Variants in JAK1 observed in about 807,000 individuals in gnomAD.
The protein encoded by JAK1 is Janus kinase 1.
In JAK1, 16 loss-of-function variants were observed where a neutral mutation model predicts 136.6. The observed-to-expected ratio is 0.12, with a 90% CI of 0.08 to 0.18. JAK1 has a LOEUF of 0.18. Ranked by LOEUF, JAK1 falls within the 10% of genes least tolerant of loss-of-function variation. JAK1 has a pLI of 1.00. For missense variants in JAK1, 859 were observed against 1,450.1 expected, an observed-to-expected ratio of 0.59 and a Z score of 6.62; for synonymous variants, 492 against 519.5, an observed-to-expected ratio of 0.95 and a Z score of 0.72.
rs1570596935 is a variant in JAK1 at position 64,834,504 on chromosome 1, C to T, written c.*58G>A. 4 of 1,152,060 alleles carry T rather than the reference C, an allele frequency of 3.5e-6. No homozygotes were observed. The highest frequency in any genetic ancestry group is 5.2e-6 in the Non-Finnish European group (4 of 774,542). 71.4% of individuals were successfully genotyped at this position (1,152,060 alleles called of 1,614,324 possible). ...AGAAATTTTTAAAAAATGACTTGGG[C>T]ATTTGTTGCAGGAGAAGGACTTGAT... On this transcript the variant is annotated 3_prime_UTR_variant, in exon 25 of 25. Transcript: ENST00000342505.
intron 1 of JAK1, among the ~76,000 whole-genome samples, chr1:64,914,606 C>G (rs1645360006): frequency 1.3e-5 from 2 of 152,208 alleles, no homozygotes; most frequent in Admixed American, 1.3e-4. Flanking sequence ...ATCTGTCACC[C>G]AGGCTGGAGC....
chr1:64,918,674 C>A, intron 1 of JAK1: 2 of 186,760 alleles, frequency 1.1e-5, no homozygotes, highest in South Asian at 2.1e-4. Flanking sequence ...GAAAGATGGT[C>A]CAGATTTCTA....
intron 2 of JAK1, chr1:64,987,796 A>G (rs767873972): frequency 2.0e-5 from 3 of 152,230 alleles, no homozygotes; most frequent in Non-Finnish European, 4.4e-5. Flanking sequence ...ATGATGCAAG[A>G]CCTAAAGATA....
At chr1:64,968,329 T>C (rs1220380365), upstream of JAK1, among the ~76,000 whole-genome samples, 1 of 152,008 alleles carries the variant, frequency 6.6e-6, no homozygotes, top group Non-Finnish European at 1.5e-5. Context: ...GACCTCTGAA[T>C]GCTCAATGCA....
At chr1:64,994,167 T>C (rs993588504) in intron 2 of JAK1, among the ~76,000 whole-genome samples, 2 of 152,130 alleles carry the variant, frequency 1.3e-5, no homozygotes, top group African/African-American at 4.8e-5. Flanking sequence ...TCTCAAACTC[T>C]TGGGCTCAAG....
At chr1:64,999,472 T>C (rs540718865) in intron 2 of JAK1, among the ~76,000 whole-genome samples, 1 of 152,302 alleles carries the variant, frequency 6.6e-6, no homozygotes, top group South Asian at 2.1e-4. Flanking sequence ...GTGCAAAGGC[T>C]CATGGCTGTA....
intron 1 of JAK1, among the ~76,000 whole-genome samples, chr1:65,049,731 CATG>C (rs1391122715): frequency 2.0e-5 from 3 of 152,146 alleles, no homozygotes; most frequent in East Asian, 3.9e-4. Flanking sequence ...CACTGGAGGC[CATG>C]ATGTCCAAGG....
intron 17 of JAK1, among the ~76,000 whole-genome samples, 166 bp downstream of exon 17, chr1:64,843,898 C>T (rs1013586581): frequency 2.6e-5 from 4 of 152,136 alleles, no homozygotes; most frequent in African/African-American, 7.2e-5. Flanking sequence ...CTGAGGCTCA[C>T]GGAAGTTCAG....
chr1:65,030,258 C>T (rs1221966429), intron 2 of JAK1, among the ~76,000 whole-genome samples: 1 of 152,148 alleles, frequency 6.6e-6, no homozygotes, highest in African/African-American at 2.4e-5. Context: ...ATTTCCCAGC[C>T]TCCAGAACTG....
intron 2 of JAK1, among the ~76,000 whole-genome samples, chr1:65,011,167 A>G (rs1371997251): frequency 1.3e-5 from 2 of 152,142 alleles, no homozygotes; most frequent in East Asian, 3.9e-4. Flanking sequence ...CAAAAATTTT[A>G]AAAGGAAGAG....
chr1:64,872,922 T>C (rs1334002250), intron 5 of JAK1, among the ~76,000 whole-genome samples: 7 of 152,164 alleles, frequency 4.6e-5, no homozygotes, highest in Admixed American at 1.3e-4. Flanking sequence ...TCTCTTTTGT[T>C]TTTTTTCTAG....
intron 2 of JAK1, among the ~76,000 whole-genome samples, chr1:65,040,852 CAG>C (rs1424795038): frequency 1.3e-5 from 2 of 152,088 alleles, no homozygotes; most frequent in African/African-American, 4.8e-5. Context: ...GAGGAGCTGA[CAG>C]AAAAATCATG....
At chr1:65,053,973 T>C (rs191315920) in intron 1 of JAK1, among the ~76,000 whole-genome samples, 1 of 152,318 alleles carries the variant, frequency 6.6e-6, no homozygotes, top group African/African-American at 2.4e-5. Context: ...CAACTCTGTG[T>C]AGTATGATCA....
chr1:65,040,455 C>T (rs1193768290), intron 2 of JAK1, among the ~76,000 whole-genome samples: 2 of 152,142 alleles, frequency 1.3e-5, no homozygotes, highest in East Asian at 3.9e-4. Flanking sequence ...CCCTGACCCA[C>T]CTGGGTAATC....
At chr1:65,028,061 G>A (rs962281330) in intron 2 of JAK1, among the ~76,000 whole-genome samples, 1 of 152,164 alleles carries the variant, frequency 6.6e-6, no homozygotes, top group African/African-American at 2.4e-5. Flanking sequence ...CTCTTTTTAT[G>A]ATTCCTTTGG....
At position 64,882,785 on chromosome 1, in the gene JAK1, A is replaced by G. The variant is rs528148629; in HGVS notation, c.205+492T>C. On this transcript the variant is annotated intron_variant, in intron 3 of 24. Coordinates refer to ENST00000342505, the MANE Select transcript of JAK1 (RefSeq NM_002227.4). The stretch of plus-strand genomic sequence containing the variant: ...GCCACAAAGCAACACTCAGCTTCTC[A>G]CTTCAACTCAGCACCACGCATGGGA... Among the ~76,000 whole-genome samples the G allele has an allele frequency of 3.9e-5, 6 of 152,302 alleles. No individual in the cohort carries two copies. In the South Asian group the frequency reaches 1.2e-3, roughly 32 times the overall value.
chr1:64,855,523 T>C lies in JAK1; in HGVS notation c.1634A>G (p.Gln545Arg). The change falls in exon 11 of 25, where the codon CAG becomes CGG. Residue 545 changes from glutamine to arginine, a missense_variant. Gln to Arg is a conservative substitution (Grantham distance 43, BLOSUM62 1). Around this residue, in one of 4 missense-constraint regions of JAK1, gnomAD observed 409 missense variants for 753.8 expected, o/e 0.54. Transcript: ENST00000342505. Reference sequence around the variant, plus strand: ...GGGAGACGAACCTCGGGGCTTGGGCTGGCAGCAGCGTTTTAGCATGAAGCT... The same window carrying C: ...GGGAGACGAACCTCGGGGCTTGGGCCGGCAGCAGCGTTTTAGCATGAAGCT... ...NISFMLKRCC[Q>R]PKPREISNLL... is the part of the protein sequence containing the mutation. The C allele has an allele frequency of 6.2e-7, 1 of 1,614,094 alleles. No individual in the cohort carries two copies. Among genetic ancestry groups the C allele is most frequent in the South Asian group, 1.1e-5 (1 of 91,078 alleles).
rs74679161 is a variant in JAK1 at position 64,926,815 on chromosome 1, G to A, written c.-78+39518C>T. On this transcript the variant is annotated intron_variant, in intron 1 of 24. Transcript: ENST00000342505. Reference sequence around the variant, plus strand: ...GTGCCAGCTGGGAAATCCTGGGTAAGTTATTTATCCCATCTGTGCCTCAAT... The same window carrying A: ...GTGCCAGCTGGGAAATCCTGGGTAAATTATTTATCCCATCTGTGCCTCAAT... Among the ~76,000 whole-genome samples the A allele has an allele frequency of 7.6e-3, 1,161 of 152,290 alleles. 6 individuals carry two copies. Among genetic ancestry groups the A allele is most frequent in the African/African-American group, 0.027 (1,107 of 41,566 alleles).
intron 2 of JAK1, among the ~76,000 whole-genome samples, chr1:65,011,958 G>C (rs1005306473): frequency 1.6e-4 from 24 of 152,330 alleles, no homozygotes; most frequent in Admixed American, 3.3e-4. Flanking sequence ...AGTACAATTG[G>C]GTAGGCCCAG....
Sources: allele counts gnomAD v4.1 joint callset (sites outside exome capture counted in the v4.1 genomes callset), GRCh38; gene constraint gnomAD v4.1.1; regional missense constraint gnomAD v4.1.1; transcripts MANE v1.5; gene names NCBI Gene and HGNC (gene_info 2026-07-23, HGNC 2026-07-21).